Variants in MYT1L observed in about 807,000 individuals in gnomAD.
MYT1L encodes the protein myelin transcription factor 1 like.
Under a neutral mutation model 126.7 loss-of-function variants are expected in MYT1L, and 12 were observed. The observed-to-expected ratio is 0.09, with a 90% CI of 0.06 to 0.15. The LOEUF (loss-of-function observed/expected upper bound fraction) is 0.15. Among genes scored for constraint, MYT1L ranks in the 10% least tolerant of loss-of-function variants. The pLI is 1.00. For missense variants in MYT1L, 979 were observed against 1,585.2 expected (o/e 0.62, Z 6.49); for synonymous variants, 541 against 604.2 (o/e 0.90, Z 1.53).
intron 8 of MYT1L, among the ~76,000 whole-genome samples, chr2:1,957,602 T>A (rs564649376): frequency 6.5e-4 from 83 of 127,056 alleles, no homozygotes; most frequent in African/African-American, 3.1e-3. Context: ...CTATCTATTA[T>A]CTATCTATCT....
Position 1,979,552 on chromosome 2 carries a change from G to A in MYT1L, c.58C>T (p.Pro20Ser), listed in dbSNP as rs1188716845. ...AGCTCTTGTATGGCTGGTTCCACGG[G>A]AACTGCAGAGAGATGGAAATAGATA... ...HRTRSKGVRV[P>S]VEPAIQELFS... is the part of the protein sequence containing the mutation. The change falls in exon 7 of 25, where the codon CCC becomes TCC. Residue 20 changes from proline to serine, a missense_variant and splice_region_variant. Physicochemically the swap from Pro to Ser is moderately conservative, Grantham distance 74 (BLOSUM62 -1). Coordinates refer to ENST00000647738, the MANE Select transcript of MYT1L (RefSeq NM_001303052.2). The surrounding 1 kb of genome is among the most constrained non-coding windows in gnomAD (Gnocchi z 4.0). The A allele has an allele frequency of 1.4e-5, 22 of 1,613,526 alleles. No individual in the cohort carries two copies. Among genetic ancestry groups the A allele is most frequent in the Non-Finnish European group, 1.8e-5 (21 of 1,179,512 alleles).
chr2:2,038,105 C>T (rs968320297), intron 4 of MYT1L, among the ~76,000 whole-genome samples: 4 of 152,074 alleles, frequency 2.6e-5, no homozygotes, highest in African/African-American at 4.8e-5. Context: ...GCAATAGGAC[C>T]GGGACTACAA....
chr2:1,898,298 G>T (rs144208548), intron 14 of MYT1L, among the ~76,000 whole-genome samples: 25 of 152,310 alleles, frequency 1.6e-4, no homozygotes, highest in African/African-American at 6.0e-4. Flanking sequence ...CTTGATTCAG[G>T]TCCTAATCTG....
chr2:1,917,424 C>A lies in MYT1L; in HGVS notation c.1484-85G>T. On this transcript the variant is annotated intron_variant, in intron 10 of 24. Coordinates refer to ENST00000647738, the MANE Select transcript of MYT1L (RefSeq NM_001303052.2). This position sits in a 1 kb window ranked among gnomAD's most constrained non-coding sequence, Gnocchi z 5.9. ...TATTTCACAATCTGAAGAAACCTTGCTAAAGAAAGAAATAAAGCAGGTGTC... is the reference window on the plus strand; with the variant it reads ...TATTTCACAATCTGAAGAAACCTTGATAAAGAAAGAAATAAAGCAGGTGTC... The A allele has an allele frequency of 6.8e-7, 1 of 1,478,682 alleles. No homozygotes were observed. The allele number at this position is 1,478,682 out of a possible 1,614,324, so 91.6% of individuals were successfully genotyped here. A position where few individuals can be genotyped will look rare whatever the true frequency, so the allele number is the denominator to read the frequency against.
At chr2:2,305,203 G>A (rs1193692802) in intron 1 of MYT1L, among the ~76,000 whole-genome samples, 1 of 152,116 alleles carries the variant, frequency 6.6e-6, no homozygotes, top group Non-Finnish European at 1.5e-5. Context: ...CACCACAATT[G>A]AAGAAAAGCC....
At chr2:2,181,592 A>AGGGG (rs1244917141) in intron 2 of MYT1L, among the ~76,000 whole-genome samples, 4 of 152,152 alleles carry the variant, frequency 2.6e-5, no homozygotes, top group Non-Finnish European at 5.9e-5. Flanking sequence ...TCCTAATGGT[A>AGGGG]GGGGCATGAG....
At chr2:2,265,185 T>C (rs2095093208) in intron 2 of MYT1L, among the ~76,000 whole-genome samples, 1 of 152,096 alleles carries the variant, frequency 6.6e-6, no homozygotes, top group South Asian at 2.1e-4. Flanking sequence ...CTGGCTAATT[T>C]TTTTGTAATT....
intron 4 of MYT1L, among the ~76,000 whole-genome samples, chr2:2,047,759 C>A (rs2068362894): frequency 6.6e-6 from 1 of 152,196 alleles, no homozygotes; most frequent in Non-Finnish European, 1.5e-5. Flanking sequence ...CTTCTCCAAA[C>A]ATACTAACAA....
chr2:1,961,267 T>C (rs563499855), intron 8 of MYT1L, among the ~76,000 whole-genome samples: 1 of 152,300 alleles, frequency 6.6e-6, no homozygotes, highest in African/African-American at 2.4e-5. Context: ...CCATGCAATG[T>C]ATCCGTGTCA....
At chr2:2,052,055 G>A (rs565931281) in intron 4 of MYT1L, among the ~76,000 whole-genome samples, 1 of 152,178 alleles carries the variant, frequency 6.6e-6, no homozygotes, top group South Asian at 2.1e-4. Context: ...TTACAACAAA[G>A]CTACTGTAAT....
chr2:2,161,333 T>G (rs375614394), intron 3 of MYT1L, among the ~76,000 whole-genome samples: 2 of 152,260 alleles, frequency 1.3e-5, no homozygotes, highest in African/African-American at 4.8e-5. Flanking sequence ...TGATGGGTGG[T>G]TATGTTTTTG....
intron 19 of MYT1L, among the ~76,000 whole-genome samples, chr2:1,847,742 T>C (rs1437125223): frequency 6.6e-6 from 1 of 152,130 alleles, no homozygotes; most frequent in Non-Finnish European, 1.5e-5. Flanking sequence ...ATGGAAGCCT[T>C]TGTAGGCATT....
chr2:1,921,972 C>T (rs2053623061), intron 10 of MYT1L, among the ~76,000 whole-genome samples: 1 of 152,158 alleles, frequency 6.6e-6, no homozygotes, highest in Non-Finnish European at 1.5e-5. Context: ...CACAGGCTTA[C>T]CCTAATATTT....
At chr2:1,903,347 A>C in intron 13 of MYT1L, 53 bp from the exon 14 acceptor site, 4 of 1,417,552 alleles carry the variant, frequency 2.8e-6, no homozygotes, top group Non-Finnish European at 3.9e-6. Flanking sequence ...GGCTTTGTAC[A>C]CGACGAGCTT....
chr2:1,970,851 A>G (rs1233375565), intron 8 of MYT1L, among the ~76,000 whole-genome samples: 1 of 152,188 alleles, frequency 6.6e-6, no homozygotes, highest in African/African-American at 2.4e-5. Context: ...CAAATTGTAT[A>G]TTTTTTAATT....
chr2:1,886,560 GC>G lies in MYT1L; in HGVS notation c.2689del (p.Ala897ProfsTer43). 1 of 1,578,478 alleles carries G rather than the reference GC, an allele frequency of 6.3e-7. No homozygotes were observed. The highest frequency in any genetic ancestry group is 8.6e-7 in the Non-Finnish European group (1 of 1,162,648). ...TTACTTGAGTTCTTGGGAGCTGGTG[GC>G]CAGCATACTTCGAATGCTTTTGTCC... Reference protein sequence around the residue: ...LADKSIRSMLATSSQELKCPT... With the variant: ...LADKSIRSMLXTSSQELKCPT... On this transcript the variant is annotated frameshift_variant, in exon 18 of 25. Coordinates refer to ENST00000647738, the MANE Select transcript of MYT1L (RefSeq NM_001303052.2). LOFTEE classifies it high-confidence loss of function.
chr2:1,932,839 G>A (rs1230490474), intron 9 of MYT1L, among the ~76,000 whole-genome samples: 1 of 152,144 alleles, frequency 6.6e-6, no homozygotes, highest in Non-Finnish European at 1.5e-5. Context: ...GTGCTGGAAG[G>A]GCAGGTGGAG....
At chr2:1,792,292 A>T (rs1427345579) in intron 24 of MYT1L, 29 bp downstream of exon 24, 7 of 1,578,154 alleles carry the variant, frequency 4.4e-6, no homozygotes, top group Non-Finnish European at 5.2e-6. Context: ...AGGACTCCAC[A>T]TTCCTGCCTT....
chr2:2,241,758 AAAGG>A (rs1386763378), intron 2 of MYT1L, among the ~76,000 whole-genome samples: 2 of 152,178 alleles, frequency 1.3e-5, no homozygotes, highest in African/African-American at 4.8e-5. Context: ...TCAGCCTTAG[AAAGG>A]AAGGATGTTC....
Sources: allele counts gnomAD v4.1 joint callset (sites outside exome capture counted in the v4.1 genomes callset), GRCh38; gene constraint gnomAD v4.1.1; non-coding constraint Gnocchi (gnomAD v3.1); transcripts MANE v1.5; gene names NCBI Gene and HGNC (gene_info 2026-07-23, HGNC 2026-07-21).